EXOG: variants seen among roughly 807,000 people sequenced by gnomAD.
EXOG encodes nuclease EXOG, mitochondrial.
EXOG carries 27 observed loss-of-function variants against 25.8 expected under a neutral mutation model. The ratio of observed to expected loss-of-function variants is 1.05; its 90% confidence interval spans 0.77 to 1.45. EXOG has a LOEUF of 1.45. Among genes scored for constraint, EXOG ranks in the 40% most tolerant of loss-of-function variants. The pLI, the probability that EXOG is intolerant of heterozygous loss-of-function variation, is 0.00. For synonymous variants in EXOG, 133 were observed against 167.0 expected (o/e 0.80, Z 1.57); for missense variants, 458 against 450.5 (o/e 1.02, Z -0.15).
At position 38,524,149 on chromosome 3, in the gene EXOG, C is replaced by G; in HGVS notation, c.894C>G (p.Thr298=). The part of the protein sequence containing the change: ...SDIRNICSVD[T]CKLLDFQEFT... ...TCCGGAATATCTGCTCTGTGGACAC[C>G]TGTAAGCTCCTGGATTTCCAGGAGT... The change falls in exon 6 of 6, where the codon ACC becomes ACG. Residue 298 remains threonine (T), a synonymous_variant. Transcript: ENST00000287675. 1 of 1,614,142 alleles carries G rather than the reference C, an allele frequency of 6.2e-7. No individual in the cohort carries two copies. Among genetic ancestry groups the G allele is most frequent in the South Asian group, 1.1e-5 (1 of 91,074 alleles).
At chr3:38,496,697 A>C in intron 1 of EXOG, 167 bp downstream of exon 1, 2 of 1,431,192 alleles carry the variant, frequency 1.4e-6, no homozygotes, top group Non-Finnish European at 9.1e-7. Context: ...TCCCTTCCCC[A>C]CCTCGCGTCT....
At chr3:38,521,512 A>G (rs1450849844) in intron 5 of EXOG, among the ~76,000 whole-genome samples, 1 of 152,228 alleles carries the variant, frequency 6.6e-6, no homozygotes, top group Non-Finnish European at 1.5e-5. Context: ...TTTGTAGACA[A>G]GGAGTCCATG....
At position 38,497,703 on chromosome 3, in the gene EXOG, C is replaced by T; in HGVS notation, c.238C>T (p.His80Tyr). ...TGTEARCYTN[H>Y]ALSYDQAKRV... The stretch of plus-strand genomic sequence containing the variant: ...AACAGAGGCAAGGTGTTACACTAAT[C>T]ACGCTTTGTCTTATGATCAGGCAAA... Residue 80 changes from histidine (H) to tyrosine (Y), a missense_variant, in exon 2 of 6, where the codon CAC becomes TAC. Physicochemically the swap from His to Tyr is moderately conservative, Grantham distance 83. Around this residue, in one of 3 missense-constraint regions of EXOG, gnomAD observed 275 missense variants for 230.5 expected, o/e 1.19. Transcript: ENST00000287675. 1 of 1,606,204 alleles carries T rather than the reference C, an allele frequency of 6.2e-7. No individual in the cohort carries two copies. The highest frequency in any genetic ancestry group is 2.2e-5 in the East Asian group (1 of 44,518).
intron 4 of EXOG, 108 bp downstream of exon 4, chr3:38,503,799 T>C: frequency 3.0e-6 from 2 of 663,866 alleles, no homozygotes; most frequent in Non-Finnish European, 5.1e-6. Flanking sequence ...TTTCAAAAGC[T>C]AAGCCTCTGA....
chr3:38,516,947 G>A (rs59854949), intron 5 of EXOG, among the ~76,000 whole-genome samples: 9,396 of 152,252 alleles, frequency 0.062, 450 homozygotes, highest in East Asian at 0.17. Context: ...CATTGCATCA[G>A]GAGGTGCATA....
At chr3:38,513,844 T>C (rs572569860) in intron 5 of EXOG, 3 of 152,222 alleles carry the variant, frequency 2.0e-5, no homozygotes, top group Non-Finnish European at 2.9e-5. Flanking sequence ...TCATGGAGCA[T>C]GCATTATAGT....
At chr3:38,519,898 C>G (rs1263814423) in intron 5 of EXOG, among the ~76,000 whole-genome samples, 1 of 152,316 alleles carries the variant, frequency 6.6e-6, no homozygotes, top group South Asian at 2.1e-4. Flanking sequence ...TTCCTTCCCC[C>G]CCTCAGGTTC....
intron 4 of EXOG, among the ~76,000 whole-genome samples, chr3:38,503,915 C>G (rs1175496703): frequency 6.6e-6 from 1 of 152,126 alleles, no homozygotes; most frequent in Admixed American, 6.5e-5. Flanking sequence ...ATGTTTGCCA[C>G]TGTTCAAAAG....
chr3:38,510,036 A>G (rs76265296), intron 5 of EXOG, among the ~76,000 whole-genome samples: 1,966 of 152,290 alleles, frequency 0.013, 37 homozygotes, highest in African/African-American at 0.043. Flanking sequence ...ACAAAGTAAG[A>G]AATAACTTTA....
chr3:38,525,086 C>G lies in EXOG; in HGVS notation c.*724C>G, dbSNP rs2060839312. On this transcript the variant is annotated 3_prime_UTR_variant, in exon 6 of 6. Transcript: ENST00000287675. ...CTTCTGTCTACGTAGAAGCACTCAG[C>G]AACTAGTTTCTGCTCATTAAATGTG... The G allele has an allele frequency of 1.0e-6, 1 of 982,068 alleles. No homozygotes were observed. Among genetic ancestry groups the G allele is most frequent in the Admixed American group, 6.2e-5 (1 of 16,258 alleles). 60.8% of individuals were successfully genotyped at this position (982,068 alleles called of 1,614,324 possible).
chr3:38,501,570 C>T, intron 3 of EXOG, 76 bp downstream of exon 3: 1 of 1,324,044 alleles, frequency 7.6e-7, no homozygotes, highest in Middle Eastern at 1.9e-4. Context: ...GGTTTAAAAA[C>T]CTAGGAGCCA....
intron 2 of EXOG, among the ~76,000 whole-genome samples, chr3:38,498,400 C>A (rs2059954207): frequency 6.6e-6 from 1 of 151,482 alleles, no homozygotes; most frequent in Non-Finnish European, 1.5e-5. Context: ...ACAAAAAATA[C>A]AAAAATTAGC....
At chr3:38,508,750 T>C (rs140508198) in intron 5 of EXOG, among the ~76,000 whole-genome samples, 1,616 of 144,664 alleles carry the variant, frequency 0.011, 14 homozygotes, top group Middle Eastern at 0.033. Context: ...TTAGAGTATA[T>C]TCTGTCCATT....
At chr3:38,499,818 G>T (rs2059994597) in intron 2 of EXOG, 1 of 375,436 alleles carries the variant, frequency 2.7e-6, no homozygotes. Flanking sequence ...AGAGCCAGCA[G>T]CATAGTGGCG....
At chr3:38,512,953 T>G (rs551133521) in intron 5 of EXOG, among the ~76,000 whole-genome samples, 1 of 152,250 alleles carries the variant, frequency 6.6e-6, no homozygotes, top group South Asian at 2.1e-4. Context: ...TGCACCACCA[T>G]GCCCAGCTAA....
At position 38,526,008 on chromosome 3, in the gene EXOG, G is replaced by A. The variant is rs2060860959; in HGVS notation, c.*1646G>A. On this transcript the variant is annotated 3_prime_UTR_variant, in exon 6 of 6. Coordinates refer to ENST00000287675, the MANE Select transcript of EXOG (RefSeq NM_005107.4). The stretch of plus-strand genomic sequence containing the variant: ...ATCACTAGCTTATTATTTGCTTCCT[G>A]TGTGCCTGCTTGTCTACCTAGCATA... 1 of 985,300 alleles carries A rather than the reference G, an allele frequency of 1.0e-6. No individual in the cohort carries two copies. The highest frequency in any genetic ancestry group is 1.7e-5 in the African/African-American group (1 of 57,226). 61.0% of individuals were successfully genotyped at this position (985,300 alleles called of 1,614,324 possible).
At chr3:38,497,909 A>T in intron 2 of EXOG, 131 bp downstream of exon 2, 1 of 1,189,698 alleles carries the variant, frequency 8.4e-7, no homozygotes, top group East Asian at 2.8e-5. Flanking sequence ...ATATTTATAT[A>T]ACTTACTGGT....
intron 5 of EXOG, among the ~76,000 whole-genome samples, chr3:38,516,618 TATAGAA>T (rs1338424704): frequency 6.6e-6 from 1 of 152,186 alleles, no homozygotes; most frequent in Non-Finnish European, 1.5e-5. Flanking sequence ...TGAAAAAACA[TATAGAA>T]ATACTACCTA....
chr3:38,521,439 G>T (rs1385752817), intron 5 of EXOG, among the ~76,000 whole-genome samples: 6 of 151,304 alleles, frequency 4.0e-5, no homozygotes, highest in Non-Finnish European at 8.9e-5. Flanking sequence ...GGAATTTTAC[G>T]AGCCTGATTA....
Sources: gnomAD v4.1 joint callset for allele counts (sites outside exome capture counted in the v4.1 genomes callset) on GRCh38, gnomAD v4.1.1 for gene constraint, gnomAD v4.1.1 regional missense constraint, MANE v1.5 for transcripts, NCBI Gene and HGNC (gene_info 2026-07-23, HGNC 2026-07-21) for gene names.